Variants in NCAM1 observed in about 807,000 individuals in gnomAD.
NCAM1 encodes antigen recognized by monoclonal antibody 5.1H11.
A neutral mutation model predicts 109.8 loss-of-function variants in NCAM1; 14 were observed. The ratio of observed to expected loss-of-function variants is 0.13; its 90% CI spans 0.08 to 0.20. The LOEUF (loss-of-function observed/expected upper bound fraction) is 0.20, where lower values mean the gene tolerates loss of function less well. Among genes scored for constraint, NCAM1 ranks in the 10% least tolerant of loss-of-function variants. The pLI, the probability that NCAM1 is intolerant of heterozygous loss-of-function variation, is 1.00. For missense variants in NCAM1, 774 were observed against 1,109.9 expected (o/e 0.70, Z 4.30); for synonymous variants, 418 against 442.9 (o/e 0.94, Z 0.70).
At chr11:113,265,436 GC>G (rs1323920415) in intron 17 of NCAM1, among the ~76,000 whole-genome samples, 1 of 152,190 alleles carries the variant, frequency 6.6e-6, no homozygotes, top group Non-Finnish European at 1.5e-5. Flanking sequence ...AAATGCCTTT[GC>G]AGAACTGGGG....
intron 1 of NCAM1, among the ~76,000 whole-genome samples, chr11:113,062,145 A>G (rs1429094361): frequency 6.6e-6 from 1 of 152,168 alleles, no homozygotes; most frequent in African/African-American, 2.4e-5. Context: ...ACCACTAGCG[A>G]TGTTTAGTAA....
chr11:112,977,855 T>C (rs541418693), intron 1 of NCAM1, among the ~76,000 whole-genome samples: 10 of 151,882 alleles, frequency 6.6e-5, no homozygotes, highest in Non-Finnish European at 8.8e-5. Context: ...GCTTGCCTTA[T>C]TTGCATTGTG....
chr11:113,001,847 C>T (rs181664234), intron 1 of NCAM1, among the ~76,000 whole-genome samples: 2 of 151,946 alleles, frequency 1.3e-5, no homozygotes, highest in Non-Finnish European at 2.9e-5. Context: ...TTAGACATGG[C>T]GGGATACAGG....
chr11:113,009,583 A>T (rs1555074017), intron 1 of NCAM1, among the ~76,000 whole-genome samples: 1 of 152,110 alleles, frequency 6.6e-6, no homozygotes, highest in African/African-American at 2.4e-5. Context: ...GAGTGAGCAC[A>T]TCTAGCCATC....
intron 1 of NCAM1, among the ~76,000 whole-genome samples, chr11:113,124,603 G>C (rs540885828): frequency 6.6e-6 from 1 of 152,134 alleles, no homozygotes; most frequent in Non-Finnish European, 1.5e-5. Context: ...GGGAAACTGA[G>C]GTGTATTTCA....
intron 1 of NCAM1, among the ~76,000 whole-genome samples, chr11:113,130,043 G>T (rs1309230732): frequency 6.6e-6 from 1 of 152,048 alleles, no homozygotes. Flanking sequence ...CCCCTTTTTG[G>T]TGATACCATT....
At chr11:113,227,547 A>G (rs1388156861) in intron 9 of NCAM1, among the ~76,000 whole-genome samples, 1 of 152,222 alleles carries the variant, frequency 6.6e-6, no homozygotes, top group Non-Finnish European at 1.5e-5. Flanking sequence ...ATTCCAATCA[A>G]TAGAAAAAGA....
chr11:113,259,654 G>A (rs1332656448), intron 16 of NCAM1, among the ~76,000 whole-genome samples: 1 of 150,340 alleles, frequency 6.7e-6, no homozygotes, highest in Non-Finnish European at 1.5e-5. Context: ...CCTGACCTGT[G>A]CAATTTTTCA....
rs782444111 is a variant in NCAM1, at chr11:113,232,317, T to G, written c.1388T>G (p.Ile463Ser). Residue 463 changes from isoleucine (I) to serine (S), a missense_variant, in exon 11 of 20, where the codon ATC (isoleucine) becomes AGC (serine). Coordinates refer to ENST00000316851, the MANE Select transcript of NCAM1 (RefSeq NM_181351.5). ...QLLPSSNYSN[I>S]KIYNTPSASY... Reference sequence around the variant, plus strand: ...CTGCCAAGCTCCAATTACAGCAATATCAAGATCTACAACACCCCCTCTGCC... The same window carrying G: ...CTGCCAAGCTCCAATTACAGCAATAGCAAGATCTACAACACCCCCTCTGCC... 4.3e-6 allele frequency: 7 copies of G among 1,613,104 alleles called. No homozygotes were observed. In the East Asian group the frequency reaches 1.6e-4, roughly 36 times the overall value.
chr11:113,120,067 T>C (rs1940892448), intron 1 of NCAM1, among the ~76,000 whole-genome samples: 3 of 152,228 alleles, frequency 2.0e-5, no homozygotes, highest in African/African-American at 7.2e-5. Context: ...GAATTGAATA[T>C]AGAGTGTTCT....
intron 1 of NCAM1, among the ~76,000 whole-genome samples, chr11:113,004,501 A>T (rs1163673906): frequency 1.2e-4 from 18 of 147,138 alleles, no homozygotes; most frequent in African/African-American, 2.2e-4. Flanking sequence ...CAAAAAAAAA[A>T]TTTTTTTTTT....
At chr11:113,050,133 CAG>C (rs1484965961) in intron 1 of NCAM1, among the ~76,000 whole-genome samples, 1 of 84,508 alleles carries the variant, frequency 1.2e-5, no homozygotes, top group African/African-American at 5.1e-5. Context: ...GGGGCAGAAA[CAG>C]AGGGTGGGGG....
At chr11:113,023,672 G>A (rs1952458317) in intron 1 of NCAM1, among the ~76,000 whole-genome samples, 1 of 152,136 alleles carries the variant, frequency 6.6e-6, no homozygotes, top group Non-Finnish European at 1.5e-5. Context: ...GTGTATCTAA[G>A]TCACTACAAA....
chr11:113,141,978 G>A (rs1265461597), intron 1 of NCAM1, among the ~76,000 whole-genome samples: 11 of 152,074 alleles, frequency 7.2e-5, no homozygotes, highest in African/African-American at 2.7e-4. Context: ...CTTGAGGTAC[G>A]GTTTTTTAAC....
chr11:113,098,488 G>A (rs1939710830), intron 1 of NCAM1, among the ~76,000 whole-genome samples: 1 of 151,990 alleles, frequency 6.6e-6, no homozygotes, highest in Admixed American at 6.6e-5. Context: ...TTGATCCACG[G>A]TTGGTTGAAT....
chr11:113,040,032 T>G (rs1282169579), intron 1 of NCAM1, among the ~76,000 whole-genome samples: 1 of 152,064 alleles, frequency 6.6e-6, no homozygotes, highest in Non-Finnish European at 1.5e-5. Flanking sequence ...TCCCAGCTAC[T>G]CGGGAGGCTG....
Position 113,065,005 on chromosome 11 carries a change from C to T in NCAM1, c.52+103341C>T, listed in dbSNP as rs181564536. 5.9e-5 allele frequency among the ~76,000 whole-genome samples: 9 copies of T among 152,218 alleles called. 1 individual carries two copies. In the East Asian group the frequency reaches 1.7e-3, roughly 29 times the overall value. ...ACATCTAGCACCCATATCTTGGTTTCTGATGCTAGGACTGGTGGGGGGCAG... is the reference window on the plus strand; with the variant it reads ...ACATCTAGCACCCATATCTTGGTTTTTGATGCTAGGACTGGTGGGGGGCAG... On this transcript the variant is annotated intron_variant, in intron 1 of 19. Transcript: ENST00000316851.
chr11:113,118,927 CAATT>C (rs1555095477), intron 1 of NCAM1, among the ~76,000 whole-genome samples: 1 of 151,928 alleles, frequency 6.6e-6, no homozygotes, highest in African/African-American at 2.4e-5. Context: ...AAACAAAAAT[CAATT>C]GTGTTTAATT....
chr11:113,053,191 G>T (rs545464959), intron 1 of NCAM1, among the ~76,000 whole-genome samples: 6 of 152,270 alleles, frequency 3.9e-5, no homozygotes, highest in African/African-American at 1.4e-4. Context: ...GTTTGCTGAG[G>T]ATAATGGCTT....
Sources: gnomAD v4.1 joint callset for allele counts (sites outside exome capture counted in the v4.1 genomes callset) on GRCh38, gnomAD v4.1.1 for gene constraint, MANE v1.5 for transcripts, NCBI Gene and HGNC (gene_info 2026-07-23, HGNC 2026-07-21) for gene names.